Variants in TMEM132B observed in about 807,000 individuals in gnomAD.
TMEM132B encodes transmembrane protein 132B.
In TMEM132B, 18 loss-of-function variants were observed where a neutral mutation model predicts 90.8. That is an observed-to-expected ratio of 0.20 (90% CI 0.14 to 0.29). TMEM132B has a LOEUF of 0.29. Among genes scored for constraint, TMEM132B ranks in the 10% least tolerant of loss-of-function variants. The pLI, the probability that TMEM132B is intolerant of heterozygous loss-of-function variation, is 1.00. For missense variants in TMEM132B, 1,096 were observed against 1,326.8 expected (o/e 0.83, Z 2.70); for synonymous variants, 504 against 523.3 (o/e 0.96, Z 0.50).
chr12:125,507,082 T>G (rs1882865910), intron 3 of TMEM132B, among the ~76,000 whole-genome samples: 1 of 152,224 alleles, frequency 6.6e-6, no homozygotes, highest in South Asian at 2.1e-4. Flanking sequence ...ATATTGAAAT[T>G]GGAAGACTGG....
chr12:125,563,598 C>CAAA (rs77003788), intron 4 of TMEM132B, among the ~76,000 whole-genome samples: 6 of 150,294 alleles, frequency 4.0e-5, no homozygotes, highest in African/African-American at 1.5e-4. Flanking sequence ...AACAAACAAA[C>CAAA]AAAAAAAAAC....
intron 1 of TMEM132B, among the ~76,000 whole-genome samples, chr12:125,202,872 G>A (rs1565974300): frequency 6.6e-6 from 1 of 152,208 alleles, no homozygotes; most frequent in Admixed American, 6.5e-5. Context: ...GTGCCCCAAA[G>A]TAGCTGTTTC....
intron 3 of TMEM132B, among the ~76,000 whole-genome samples, chr12:125,434,618 G>T (rs1174986088): frequency 3.9e-5 from 6 of 152,174 alleles, no homozygotes; most frequent in African/African-American, 1.4e-4. Context: ...CCTACAGGAG[G>T]CGCCGGCTGT....
At chr12:125,441,854 A>C (rs1880884031) in intron 3 of TMEM132B, among the ~76,000 whole-genome samples, 1 of 152,230 alleles carries the variant, frequency 6.6e-6, no homozygotes, top group Non-Finnish European at 1.5e-5. Context: ...ATGCAATAGA[A>C]AATGAAAAGC....
chr12:125,243,625 TGTTGAG>T (rs1172645173), intron 1 of TMEM132B, among the ~76,000 whole-genome samples: 1 of 152,138 alleles, frequency 6.6e-6, no homozygotes, highest in East Asian at 1.9e-4. Flanking sequence ...TATTGGGTGA[TGTTGAG>T]GTTTTGAGTA....
intron 1 of TMEM132B, among the ~76,000 whole-genome samples, chr12:125,322,451 T>C (rs1403469314): frequency 6.6e-6 from 1 of 152,242 alleles, no homozygotes. Context: ...CACATGTATG[T>C]GAATATCTAG....
At chr12:125,606,673 C>T (rs1297850221) in intron 5 of TMEM132B, among the ~76,000 whole-genome samples, 2 of 152,230 alleles carry the variant, frequency 1.3e-5, no homozygotes, top group Non-Finnish European at 2.9e-5. Flanking sequence ...TGTCAGAGCT[C>T]TTATCCCTCC....
intron 3 of TMEM132B, among the ~76,000 whole-genome samples, chr12:125,462,160 C>T (rs796430132): frequency 2.8e-4 from 42 of 152,264 alleles, no homozygotes; most frequent in African/African-American, 9.6e-4. Flanking sequence ...TACTGTTAAT[C>T]AGAATAAAGG....
intron 4 of TMEM132B, among the ~76,000 whole-genome samples, chr12:125,539,687 ACT>A (rs1883903899): frequency 6.6e-6 from 1 of 151,370 alleles, no homozygotes; most frequent in Non-Finnish European, 1.5e-5. Flanking sequence ...ATATGTCTAG[ACT>A]CTCTAGTGAT....
At chr12:125,256,419 T>C (rs74766569) in intron 1 of TMEM132B, among the ~76,000 whole-genome samples, 8,284 of 152,290 alleles carry the variant, frequency 0.054, 312 homozygotes, top group African/African-American at 0.097. Flanking sequence ...GGCAAAACTT[T>C]AACTTGGAGC....
intron 1 of TMEM132B, among the ~76,000 whole-genome samples, chr12:125,219,064 G>T (rs944063423): frequency 6.6e-6 from 1 of 152,188 alleles, no homozygotes; most frequent in Non-Finnish European, 1.5e-5. Context: ...AAAAATGAGA[G>T]CCATCTGTGG....
rs573318543 is a variant in TMEM132B at position 125,591,019 on chromosome 12, G to A, written c.1437+7025G>A. Among the ~76,000 whole-genome samples the A allele has an allele frequency of 6.3e-4, 95 of 151,288 alleles. 1 individual carries two copies. Among genetic ancestry groups the A allele is most frequent in the Middle Eastern group, 6.8e-3 (2 of 294 alleles). Reference sequence around the variant, plus strand: ...GCATTGTGTGTACGCATGCACGCCCGCGTGTGTGTGTGTGTGTTTGTGTGT... The same window carrying A: ...GCATTGTGTGTACGCATGCACGCCCACGTGTGTGTGTGTGTGTTTGTGTGT... On this transcript the variant is annotated intron_variant, in intron 5 of 8. Coordinates refer to ENST00000682704, the MANE Select transcript of TMEM132B (RefSeq NM_001366854.1).
intron 1 of TMEM132B, among the ~76,000 whole-genome samples, chr12:125,295,440 T>C (rs1875642535): frequency 6.7e-6 from 1 of 150,136 alleles, no homozygotes; most frequent in African/African-American, 2.5e-5. Flanking sequence ...TGTGGTGGCT[T>C]ACAGGAGAGA....
intron 3 of TMEM132B, among the ~76,000 whole-genome samples, chr12:125,473,121 G>A (rs1330153145): frequency 6.6e-6 from 1 of 152,116 alleles, no homozygotes; most frequent in African/African-American, 2.4e-5. Context: ...CTTACTCTCT[G>A]TGCCCCAGAC....
intron 3 of TMEM132B, among the ~76,000 whole-genome samples, chr12:125,435,030 T>G (rs1379013215): frequency 6.6e-6 from 1 of 152,186 alleles, no homozygotes; most frequent in Non-Finnish European, 1.5e-5. Context: ...GGGGCTCAGG[T>G]GTCCTCTCAT....
chr12:125,346,196 G>T (rs1044635104), intron 1 of TMEM132B, among the ~76,000 whole-genome samples: 2 of 152,088 alleles, frequency 1.3e-5, no homozygotes, highest in African/African-American at 4.8e-5. Context: ...AAGAAGAGAA[G>T]GTGCAGCTTT....
chr12:125,267,940 T>C (rs1874735327), intron 1 of TMEM132B, among the ~76,000 whole-genome samples: 1 of 152,172 alleles, frequency 6.6e-6, no homozygotes, highest in East Asian at 1.9e-4. Context: ...TGGTGCTCTC[T>C]ACTCTAAAGG....
chr12:125,278,007 G>A (rs1008031866), intron 1 of TMEM132B, among the ~76,000 whole-genome samples: 1 of 152,190 alleles, frequency 6.6e-6, no homozygotes, highest in African/African-American at 2.4e-5. Context: ...TGTGTTTTGT[G>A]TCAAGACTCT....
At chr12:125,527,761 TTCC>T (rs1883535781) in intron 4 of TMEM132B, among the ~76,000 whole-genome samples, 1 of 151,964 alleles carries the variant, frequency 6.6e-6, no homozygotes, top group Non-Finnish European at 1.5e-5. Context: ...CCAATCCACC[TTCC>T]ATCTACGCAT....
Sources: allele counts gnomAD v4.1 joint callset (sites outside exome capture counted in the v4.1 genomes callset), GRCh38; gene constraint gnomAD v4.1.1; transcripts MANE v1.5; gene names NCBI Gene and HGNC (gene_info 2026-07-23, HGNC 2026-07-21).